Variants in TRPM3 observed in about 807,000 individuals in gnomAD.
TRPM3 encodes transient receptor potential cation channel subfamily M member 3, also known as long transient receptor potential channel 3.
In TRPM3, 77 loss-of-function variants were observed where a neutral mutation model predicts 181.2. The observed-to-expected ratio is 0.42, with a 90% CI of 0.35 to 0.51. The LOEUF (loss-of-function observed/expected upper bound fraction) is 0.51. Ranked by LOEUF, TRPM3 falls within the 20% of genes least tolerant of loss-of-function variation. The pLI, the probability that TRPM3 is intolerant of heterozygous loss-of-function variation, is 0.01. For missense variants in TRPM3, 1,759 were observed against 2,196.7 expected, an observed-to-expected ratio of 0.80 and a Z score of 3.98; for synonymous variants, 745 against 796.4, an observed-to-expected ratio of 0.94 and a Z score of 1.09.
chr9:70,695,811 T>C (rs1587435085), intron 8 of TRPM3, among the ~76,000 whole-genome samples: 1 of 152,142 alleles, frequency 6.6e-6, no homozygotes, highest in African/African-American at 2.4e-5. Context: ...TCTCAGCTGA[T>C]GACCTTGACG....
At chr9:71,348,555 T>TA (rs2091425118) in intron 1 of TRPM3, among the ~76,000 whole-genome samples, 6 of 85,266 alleles carry the variant, frequency 7.0e-5, no homozygotes, top group Admixed American at 1.2e-4. Context: ...TATTTATATA[T>TA]TTATTTATTT....
At chr9:70,932,750 T>C (rs1367476353) in intron 1 of TRPM3, among the ~76,000 whole-genome samples, 2 of 152,124 alleles carry the variant, frequency 1.3e-5, no homozygotes, top group Admixed American at 1.3e-4. Flanking sequence ...AGACCCATAT[T>C]AAGGTCTCAG....
intron 1 of TRPM3, among the ~76,000 whole-genome samples, chr9:71,347,044 A>G (rs893614732): frequency 6.6e-6 from 1 of 152,248 alleles, no homozygotes; most frequent in Non-Finnish European, 1.5e-5. Flanking sequence ...GAGCTTCCCA[A>G]TAATGAAAAG....
At chr9:70,784,341 AAGAAACAAAAAG>A (rs2083115514) in intron 6 of TRPM3, 62 bp from the exon 7 acceptor site, 3 of 1,465,856 alleles carry the variant, frequency 2.0e-6, no homozygotes, top group Non-Finnish European at 2.7e-6. Flanking sequence ...CAGCAAACCA[AAGAAACAAAAAG>A]AGAAACAAAA....
chr9:71,317,719 G>A (rs1416503708), intron 1 of TRPM3, among the ~76,000 whole-genome samples: 2 of 151,476 alleles, frequency 1.3e-5, no homozygotes, highest in East Asian at 3.9e-4. Context: ...GAGAGAAGGT[G>A]CAACAAAAAA....
chr9:71,420,741 GAGAGAA>G (rs2093727554), intron 1 of TRPM3, among the ~76,000 whole-genome samples: 1 of 26,600 alleles, frequency 3.8e-5, no homozygotes, highest in African/African-American at 1.7e-4. Flanking sequence ...GAGAGAAAGA[GAGAGAA>G]AGAGAGAGAA....
At chr9:71,006,870 C>CAAA (rs35386368) in intron 1 of TRPM3, among the ~76,000 whole-genome samples, 30,022 of 96,668 alleles carry the variant, frequency 0.31, 5,572 homozygotes, top group East Asian at 0.41. Flanking sequence ...GACTCCGTCT[C>CAAA]AAAAAAAAAA....
At chr9:71,410,030 G>A (rs1041122817) in intron 1 of TRPM3, among the ~76,000 whole-genome samples, 3 of 152,074 alleles carry the variant, frequency 2.0e-5, no homozygotes, top group Admixed American at 6.6e-5. Flanking sequence ...ACAAAATTAA[G>A]GCAGAAATAA....
chr9:70,811,285 G>C, intron 6 of TRPM3: 1 of 1,508,158 alleles, frequency 6.6e-7, no homozygotes, highest in Non-Finnish European at 9.0e-7. Flanking sequence ...ACACCCTGTG[G>C]TTGCATACAC....
At chr9:70,820,418 G>T (rs554402666) in intron 6 of TRPM3, among the ~76,000 whole-genome samples, 8 of 152,080 alleles carry the variant, frequency 5.3e-5, no homozygotes, top group Non-Finnish European at 4.4e-5. Context: ...ACAGAGTCTC[G>T]CTCTTGTTGC....
At chr9:70,884,229 A>G (rs2096049609) in intron 1 of TRPM3, among the ~76,000 whole-genome samples, 1 of 152,194 alleles carries the variant, frequency 6.6e-6, no homozygotes, top group Non-Finnish European at 1.5e-5. Context: ...CTTATTTTGT[A>G]TGTTCCTTCT....
chr9:71,266,438 T>TC (rs149112835), intron 1 of TRPM3, among the ~76,000 whole-genome samples: 5,267 of 152,264 alleles, frequency 0.035, 132 homozygotes, highest in Middle Eastern at 0.065. Context: ...TCCATTATAT[T>TC]CTTTGTTTTC....
chr9:70,753,901 G>A (rs1427432355), intron 8 of TRPM3, among the ~76,000 whole-genome samples: 3 of 152,144 alleles, frequency 2.0e-5, no homozygotes, highest in Non-Finnish European at 4.4e-5. Flanking sequence ...TAGAGTGAAT[G>A]ATAGGACTCA....
chr9:70,813,164 C>T lies in TRPM3; in HGVS notation c.973+14683G>A, dbSNP rs145542287. Among the ~76,000 whole-genome samples, 557 of 152,282 alleles carry T rather than the reference C, an allele frequency of 3.7e-3. 4 individuals are homozygous for T. The highest frequency in any genetic ancestry group is 0.013 in the African/African-American group (522 of 41,558). On this transcript the variant is annotated intron_variant, in intron 6 of 25. Transcript: ENST00000677713. ...TGAAAGCAATGCGCTAAGTGATGCT[C>T]ATTGTCTGAATTCCTGTAGCACTTT... is the stretch of plus-strand genomic sequence containing the variant.
chr9:70,742,596 A>G (rs2074369013), intron 8 of TRPM3, among the ~76,000 whole-genome samples: 1 of 152,148 alleles, frequency 6.6e-6, no homozygotes, highest in South Asian at 2.1e-4. Flanking sequence ...CATTTTTATA[A>G]TTAGAAAAAT....
intron 6 of TRPM3, among the ~76,000 whole-genome samples, chr9:70,817,046 A>G (rs1564429311): frequency 1.3e-5 from 2 of 152,212 alleles, no homozygotes; most frequent in Non-Finnish European, 2.9e-5. Flanking sequence ...TGAGTGGCAG[A>G]TAAATTTTAT....
At chr9:71,312,948 C>A (rs1448415762) in intron 1 of TRPM3, among the ~76,000 whole-genome samples, 2 of 152,058 alleles carry the variant, frequency 1.3e-5, no homozygotes, top group Non-Finnish European at 1.5e-5. Flanking sequence ...TGAAATTGCT[C>A]TGTATAGTAC....
At chr9:71,182,631 T>C (rs1391661018) in intron 1 of TRPM3, among the ~76,000 whole-genome samples, 1 of 152,112 alleles carries the variant, frequency 6.6e-6, no homozygotes, top group Non-Finnish European at 1.5e-5. Flanking sequence ...AATAGTATAA[T>C]GGCTTACTTA....
intron 25 of TRPM3, among the ~76,000 whole-genome samples, chr9:70,541,523 T>G (rs1173277858): frequency 1.3e-5 from 2 of 151,422 alleles, no homozygotes; most frequent in East Asian, 3.9e-4. Flanking sequence ...TTTTTTTTTT[T>G]TTTTTGAGAT....
Sources: allele counts gnomAD v4.1 joint callset (sites outside exome capture counted in the v4.1 genomes callset), GRCh38; gene constraint gnomAD v4.1.1; transcripts MANE v1.5; gene names NCBI Gene and HGNC (gene_info 2026-07-23, HGNC 2026-07-21).